STAT3: variants seen among roughly 807,000 people sequenced by gnomAD.
The protein encoded by STAT3 is signal transducer and activator of transcription 3.
Under a neutral mutation model 114.3 loss-of-function variants are expected in STAT3, and 7 were observed. The observed-to-expected ratio is 0.06, with a 90% CI of 0.03 to 0.11. STAT3 has a LOEUF of 0.11. Among genes scored for constraint, STAT3 ranks in the 10% least tolerant of loss-of-function variants. The probability of loss-of-function intolerance (pLI) is 1.00; values close to 1 mark genes in which losing one functional copy is unlikely to be tolerated. For missense variants in STAT3, 364 were observed against 960.9 expected (o/e 0.38, Z 8.21); for synonymous variants, 331 against 354.5 (o/e 0.93, Z 0.74).
At chr17:42,368,381 T>C (rs1598494958) in intron 1 of STAT3, among the ~76,000 whole-genome samples, 1 of 152,230 alleles carries the variant, frequency 6.6e-6, no homozygotes, top group African/African-American at 2.4e-5. Flanking sequence ...ACACTAAATA[T>C]TGATATGCAG....
At chr17:42,345,718 C>A in intron 3 of STAT3, 61 bp from the exon 4 acceptor site, 3 of 1,417,580 alleles carry the variant, frequency 2.1e-6, no homozygotes, top group Non-Finnish European at 2.9e-6. Flanking sequence ...GTGGACTGAA[C>A]TGTGGCACCT....
chr17:42,353,597 C>T (rs1485968647), intron 1 of STAT3, among the ~76,000 whole-genome samples: 1 of 152,028 alleles, frequency 6.6e-6, no homozygotes, highest in African/African-American at 2.4e-5. Flanking sequence ...TTTTTTGAGA[C>T]AGGGTCTCTC....
chr17:42,382,459 G>A (rs1448908082), intron 1 of STAT3, among the ~76,000 whole-genome samples: 2 of 152,128 alleles, frequency 1.3e-5, no homozygotes, highest in Non-Finnish European at 2.9e-5. Flanking sequence ...CCAGAGTCTT[G>A]AACCACTCAC....
rs1467228103 is a variant in STAT3 at position 42,314,249 on chromosome 17, G to A, written c.*1496C>T. On this transcript the variant is annotated 3_prime_UTR_variant, in exon 24 of 24. Transcript: ENST00000264657. ...TGCCCTGCATGAACTGAATGAAGACGCCATTACAAGTGCCACTGGATATCA... is the reference window on the plus strand; with the variant it reads ...TGCCCTGCATGAACTGAATGAAGACACCATTACAAGTGCCACTGGATATCA... 1.3e-5 allele frequency: 3 copies of A among 232,800 alleles called. No homozygotes were observed. In the Admixed American group the frequency reaches 1.7e-4, roughly 13 times the overall value. The allele number at this position is 232,800 out of a possible 1,614,324, so 14.4% of individuals were successfully genotyped here.
intron 1 of STAT3, among the ~76,000 whole-genome samples, chr17:42,356,146 A>G (rs1436871738): frequency 6.6e-6 from 1 of 152,218 alleles, no homozygotes; most frequent in Non-Finnish European, 1.5e-5. Context: ...GAAACACAGA[A>G]GATTTCTTGC....
At chr17:42,377,983 A>ATTT (rs11378560) in intron 1 of STAT3, among the ~76,000 whole-genome samples, 48 of 127,668 alleles carry the variant, frequency 3.8e-4, no homozygotes, top group Admixed American at 6.0e-4. Context: ...CAGAAACAGG[A>ATTT]TTTTTTTTTT....
chr17:42,326,105 G>T lies in STAT3; in HGVS notation c.1365+11C>A. ...TACGTAGCCTCTCACCGATTCTGCT[G>T]CAGAACTTACCTCTAGGTCAATCTT... On this transcript the variant is annotated intron_variant, in intron 15 of 23. Coordinates refer to ENST00000264657, the MANE Select transcript of STAT3 (RefSeq NM_139276.3). 6.2e-7 allele frequency: 1 copy of T among 1,613,662 alleles called. No individual in the cohort carries two copies. The highest frequency in any genetic ancestry group is 1.1e-5 in the South Asian group (1 of 91,080).
intron 1 of STAT3, among the ~76,000 whole-genome samples, chr17:42,365,649 TTTG>T: frequency 6.8e-6 from 1 of 146,396 alleles, no homozygotes; most frequent in African/African-American, 2.5e-5. Flanking sequence ...GTTTTTTTTT[TTTG>T]TTTTTTTTTG....
At chr17:42,373,637 C>T (rs2084285359) in intron 1 of STAT3, among the ~76,000 whole-genome samples, 1 of 151,984 alleles carries the variant, frequency 6.6e-6, no homozygotes. Context: ...CGCTTGTAAT[C>T]CCAGCACTTT....
At chr17:42,345,413 A>T in intron 4 of STAT3, 146 bp downstream of exon 4, 2 of 711,220 alleles carry the variant, frequency 2.8e-6, no homozygotes, top group Non-Finnish European at 4.6e-6. Flanking sequence ...CTTTTTTTTT[A>T]GAGTTTTTCA....
In STAT3 at chr17:42,380,528, G is replaced by A. The variant is rs1019060255; in HGVS notation, c.-24+7751C>T. On this transcript the variant is annotated intron_variant, in intron 1 of 23. Coordinates refer to ENST00000264657, the MANE Select transcript of STAT3 (RefSeq NM_139276.3). ...GCCTCCCGAGTAGCTGGGATTACAG[G>A]TGCCCACCACCACAACTGGCTAATT... 3.3e-5 allele frequency among the ~76,000 whole-genome samples: 5 copies of A among 151,502 alleles called. 1 individual carries two copies. The highest frequency in any genetic ancestry group is 4.9e-5 in the African/African-American group (2 of 41,168).
At chr17:42,316,155 G>A in intron 23 of STAT3, 1 of 1,099,668 alleles carries the variant, frequency 9.1e-7, no homozygotes, top group Non-Finnish European at 1.2e-6. Context: ...GAGCTGTGCT[G>A]TGGCTGTCAA....
chr17:42,369,173 C>T (rs968207678), intron 1 of STAT3, among the ~76,000 whole-genome samples: 2 of 152,132 alleles, frequency 1.3e-5, no homozygotes, highest in African/African-American at 2.4e-5. Context: ...GCCTGCCCAA[C>T]ACGGTGAAAC....
In STAT3 at chr17:42,345,593, G is replaced by A. The variant is rs1215714766; in HGVS notation, c.338C>T (p.Ser113Leu). 2 of 1,608,402 alleles carry A rather than the reference G, an allele frequency of 1.2e-6. No homozygotes were observed. Among genetic ancestry groups the A allele is most frequent in the Admixed American group, 1.7e-5 (1 of 59,740 alleles). Reference sequence around the variant, plus strand: ...AGTGGCTGCAGTCTGTAGAAGGCGTGATTCTTCCCACAGGCACCGGGCCAC... The same window carrying A: ...AGTGGCTGCAGTCTGTAGAAGGCGTAATTCTTCCCACAGGCACCGGGCCAC... ...RIVARCLWEE[S>L]RLLQTAATAA... The change falls in exon 4 of 24, where the codon TCA becomes TTA. Residue 113 changes from serine to leucine, a missense_variant. Transcript: ENST00000264657.
chr17:42,372,918 G>A (rs184871702), intron 1 of STAT3, among the ~76,000 whole-genome samples: 80 of 152,178 alleles, frequency 5.3e-4, no homozygotes, highest in Non-Finnish European at 9.4e-4. Flanking sequence ...ATAATGTATC[G>A]AGTTGGTTCA....
Position 42,323,146 on chromosome 17 carries a change from G to A in STAT3, c.1749-3C>T, listed in dbSNP as rs2144694795. 6.2e-7 allele frequency: 1 copy of A among 1,614,206 alleles called. No homozygotes were observed. Reference sequence around the variant, plus strand: ...TACTGATAAAGCCCATGATGTACCTGGAGCCAAGGAGGAGGAACAATGTTG... The same window carrying A: ...TACTGATAAAGCCCATGATGTACCTAGAGCCAAGGAGGAGGAACAATGTTG... On this transcript the variant is annotated splice_polypyrimidine_tract_variant and splice_region_variant and intron_variant, in intron 19 of 23. Transcript: ENST00000264657.
chr17:42,381,597 T>A (rs2084801294), intron 1 of STAT3, among the ~76,000 whole-genome samples: 1 of 151,454 alleles, frequency 6.6e-6, no homozygotes, highest in East Asian at 1.9e-4. Context: ...CTGGGCGTGG[T>A]GGCGGGCGCC....
chr17:42,327,226 C>A (rs1168296144), intron 14 of STAT3, among the ~76,000 whole-genome samples: 2 of 151,666 alleles, frequency 1.3e-5, no homozygotes. Flanking sequence ...TCAGAAATAA[C>A]TGCTATTTTG....
intron 1 of STAT3, among the ~76,000 whole-genome samples, chr17:42,375,322 T>TAAGGACC (rs2084389412): frequency 6.6e-6 from 1 of 152,140 alleles, no homozygotes; most frequent in Non-Finnish European, 1.5e-5. Context: ...TTTCTCAAAC[T>TAAGGACC]AAGGACCAAG....
Sources: allele counts gnomAD v4.1 joint callset (sites outside exome capture counted in the v4.1 genomes callset), GRCh38; gene constraint gnomAD v4.1.1; transcripts MANE v1.5; gene names NCBI Gene and HGNC (gene_info 2026-07-23, HGNC 2026-07-21).